HGS: variants seen among roughly 807,000 people sequenced by gnomAD.
HGS encodes human growth factor-regulated tyrosine kinase substrate.
A neutral mutation model predicts 109.7 loss-of-function variants in HGS; 63 were observed. The ratio of observed to expected loss-of-function variants is 0.57; its 90% CI spans 0.47 to 0.71. The LOEUF (loss-of-function observed/expected upper bound fraction) is 0.71. Ranked by LOEUF, HGS falls within the 30% of genes least tolerant of loss-of-function variation. HGS has a pLI of 0.00. For missense variants in HGS, 995 were observed against 1,068.3 expected (o/e 0.93, Z 0.96); for synonymous variants, 546 against 437.3 (o/e 1.25, Z -3.10).
At chr17:81,696,199 T>TGCCCA in intron 15 of HGS, 158 bp from the exon 16 acceptor site, 1 of 975,804 alleles carries the variant, frequency 1.0e-6, no homozygotes, top group Non-Finnish European at 1.4e-6. Flanking sequence ...TGCCCTGCCC[T>TGCCCA]GCCCAGGACC....
chr17:81,690,503 T>A, intron 6 of HGS, 171 bp from the exon 7 acceptor site: 1 of 639,210 alleles, frequency 1.6e-6, no homozygotes, highest in Non-Finnish European at 2.6e-6. Context: ...TCCTCAGGCC[T>A]CGGCAGCTTC....
At chr17:81,690,849 A>T in intron 7 of HGS, 107 bp downstream of exon 7, 1 of 981,716 alleles carries the variant, frequency 1.0e-6, no homozygotes, top group East Asian at 2.5e-5. Context: ...TGGGTGGTTC[A>T]GGAGGTGAGT....
intron 18 of HGS, 61 bp from the exon 19 acceptor site, chr17:81,700,406 G>A (rs1194468286): frequency 1.5e-6 from 2 of 1,377,492 alleles, no homozygotes; most frequent in Admixed American, 5.0e-5. Flanking sequence ...AGAGTAGGGT[G>A]TCCCTTCCTC....
At position 81,700,929 on chromosome 17, in the gene HGS, C is replaced by T. The variant is rs371960843; in HGVS notation, c.2136+115C>T. On this transcript the variant is annotated intron_variant, in intron 20 of 21. Transcript: ENST00000329138. Reference sequence around the variant, plus strand: ...GTGGGCTCCACCCCTTCTGCTCCTCCCCCTCCACTCTCTGGGTGCTCCCTG... The same window carrying T: ...GTGGGCTCCACCCCTTCTGCTCCTCTCCCTCCACTCTCTGGGTGCTCCCTG... 2,224 of 1,518,744 alleles carry T rather than the reference C, an allele frequency of 1.5e-3. 7 individuals carry two copies. The highest frequency in any genetic ancestry group is 2.1e-3 in the Admixed American group (121 of 58,770). The allele number at this position is 1,518,744 out of a possible 1,614,324, so 94.1% of individuals were successfully genotyped here.
Position 81,685,087 on chromosome 17 carries a change from C to T in HGS, c.38-518C>T, listed in dbSNP as rs534557348. The T allele has an allele frequency of 7.2e-5, 71 of 984,948 alleles. No homozygotes were observed. In the Middle Eastern group the frequency reaches 1.6e-3, roughly 22 times the overall value. 61.0% of individuals were successfully genotyped at this position (984,948 alleles called of 1,614,324 possible). The stretch of plus-strand genomic sequence containing the variant: ...GATGACAGGTATGCTGGCGAGTCCT[C>T]CTTGGAGCCCCGTTCTGCCCTTATT... On this transcript the variant is annotated intron_variant, in intron 1 of 21. Transcript: ENST00000329138.
intron 5 of HGS, among the ~76,000 whole-genome samples, chr17:81,689,441 G>A (rs1032120377): frequency 6.6e-6 from 1 of 152,326 alleles, no homozygotes; most frequent in East Asian, 1.9e-4. Context: ...TGGAGAACTA[G>A]GGGATTGTGT....
At position 81,693,550 on chromosome 17, in the gene HGS, A is replaced by C. The variant is rs542511483; in HGVS notation, c.710A>C (p.Tyr237Ser). The change falls in exon 9 of 22, where the codon TAC (tyrosine) becomes TCC (serine). Residue 237 changes from tyrosine (Y) to serine (S), a missense_variant. By Grantham distance (144) the Tyr-to-Ser change is moderately radical (BLOSUM62 -2). Coordinates refer to ENST00000329138, the MANE Select transcript of HGS (RefSeq NM_004712.5). ...ATSTTELPPE[Y>S]LTSPLSQQSQ... The stretch of plus-strand genomic sequence containing the variant: ...TCCACCACTGAGCTGCCCCCCGAGT[A>C]CCTGACCAGCCCCCTGTCTCAGCAG... 6.2e-6 allele frequency: 10 copies of C among 1,612,582 alleles called. No individual in the cohort carries two copies. In the South Asian group the frequency reaches 1.1e-4, roughly 18 times the overall value.
intron 15 of HGS, 152 bp from the exon 16 acceptor site, chr17:81,696,205 G>GCCC: frequency 2.7e-6 from 3 of 1,101,540 alleles, no homozygotes; most frequent in African/African-American, 3.2e-5. Context: ...GCCCTGCCCA[G>GCCC]GACCCTCTGC....
chr17:81,698,147 C>T (rs941486874), intron 18 of HGS: 9 of 152,122 alleles, frequency 5.9e-5, no homozygotes, highest in African/African-American at 1.9e-4. Flanking sequence ...AACATACAAA[C>T]ATTAGGTGGG....
rs2037042769 is a variant in HGS at position 81,690,254 on chromosome 17, A to C, written c.468+20A>C. On this transcript the variant is annotated intron_variant, in intron 6 of 21. Transcript: ENST00000329138. ...GAGAGAGTGAGTGTGGGCGGCCGCC[A>C]GGGGTTCTGGAGTCGGGCTGCTCAG... The C allele has an allele frequency of 2.5e-6, 4 of 1,613,050 alleles. No homozygotes were observed. The highest frequency in any genetic ancestry group is 1.3e-5 in the African/African-American group (1 of 74,854).
At chr17:81,696,282 T>C (rs2037145783) in intron 15 of HGS, 75 bp from the exon 16 acceptor site, 2 of 1,448,302 alleles carry the variant, frequency 1.4e-6, no homozygotes, top group Non-Finnish European at 1.8e-6. Flanking sequence ...GCGGCCCATC[T>C]GCGTGTCCGT....
Position 81,684,086 on chromosome 17 carries a change from C to G in HGS, c.20C>G (p.Thr7Ser), listed in dbSNP as rs753682847. The change falls in exon 1 of 22, where the codon ACC becomes AGC. Residue 7 changes from threonine to serine, a missense_variant. Coordinates refer to ENST00000329138, the MANE Select transcript of HGS (RefSeq NM_004712.5). Reference sequence around the variant, plus strand: ...GTCGCCATGGGGCGAGGCAGCGGCACCTTCGAGCGTCTCCTAGGTAACGCG... The same window carrying G: ...GTCGCCATGGGGCGAGGCAGCGGCAGCTTCGAGCGTCTCCTAGGTAACGCG... MGRGSG[T>S]FERLLDKATS... 4.2e-5 allele frequency: 67 copies of G among 1,593,486 alleles called. 1 individual carries two copies. Among genetic ancestry groups the G allele is most frequent in the Admixed American group, 1.7e-5 (1 of 57,380 alleles).
intron 14 of HGS, 61 bp downstream of exon 14, chr17:81,695,284 G>C: frequency 6.5e-7 from 1 of 1,547,090 alleles, no homozygotes; most frequent in Non-Finnish European, 8.9e-7. Context: ...CACAGCGCCA[G>C]GCACATGGCA....
chr17:81,697,271 C>T (rs1336464429), intron 18 of HGS: 21 of 366,544 alleles, frequency 5.7e-5, no homozygotes, highest in Non-Finnish European at 7.0e-5. Flanking sequence ...TGCCGATCCT[C>T]GTCTGTAGCA....
rs1425833763 is a variant in HGS at position 81,701,750 on chromosome 17, C to T, written c.*132C>T. Reference sequence around the variant, plus strand: ...CCCTTCTCTGCGAGTGAGGGGGGGCCTTCACCCCAAGCCCACCTCCCTTGT... The same window carrying T: ...CCCTTCTCTGCGAGTGAGGGGGGGCTTTCACCCCAAGCCCACCTCCCTTGT... On this transcript the variant is annotated 3_prime_UTR_variant, in exon 22 of 22. Transcript: ENST00000329138. 44 of 1,344,402 alleles carry T rather than the reference C, an allele frequency of 3.3e-5. No homozygotes were observed. The highest frequency in any genetic ancestry group is 1.9e-4 in the Middle Eastern group (1 of 5,360). The allele number at this position is 1,344,402 out of a possible 1,614,324, so 83.3% of individuals were successfully genotyped here. A position where few individuals can be genotyped will look rare whatever the true frequency, so the allele number is the denominator to read the frequency against.
intron 1 of HGS, chr17:81,685,134 C>A: frequency 1.1e-6 from 1 of 917,496 alleles, no homozygotes; most frequent in Non-Finnish European, 1.3e-6. Flanking sequence ...TGGCTTGGAG[C>A]AAGGGGCCTG....
chr17:81,700,128 A>T (rs1242257318), intron 18 of HGS, among the ~76,000 whole-genome samples: 1 of 151,892 alleles, frequency 6.6e-6, no homozygotes, highest in Non-Finnish European at 1.5e-5. Context: ...GCACTTTGGG[A>T]GGCCGAGGCG....
intron 18 of HGS, among the ~76,000 whole-genome samples, chr17:81,699,332 A>G (rs1393562724): frequency 1.3e-5 from 2 of 152,208 alleles, no homozygotes; most frequent in Admixed American, 1.3e-4. Flanking sequence ...TCACTATCCC[A>G]TCCCATTGGT....
rs750230987 is a variant in HGS at position 81,701,656 on chromosome 17, A to G, written c.*38A>G. Reference sequence around the variant, plus strand: ...TCACGTCCGGAGTAACACTACATACAGTTCACCTGAAACGCCTCGTCTCTA... The same window carrying G: ...TCACGTCCGGAGTAACACTACATACGGTTCACCTGAAACGCCTCGTCTCTA... On this transcript the variant is annotated 3_prime_UTR_variant, in exon 22 of 22. Transcript: ENST00000329138. 1.3e-5 allele frequency: 20 copies of G among 1,518,882 alleles called. No individual in the cohort carries two copies. The highest frequency in any genetic ancestry group is 6.9e-5 in the African/African-American group (5 of 72,698). 94.1% of individuals were successfully genotyped at this position (1,518,882 alleles called of 1,614,324 possible).
Sources: gnomAD v4.1 joint callset for allele counts (sites outside exome capture counted in the v4.1 genomes callset) on GRCh38, gnomAD v4.1.1 for gene constraint, MANE v1.5 for transcripts, NCBI Gene and HGNC (gene_info 2026-07-23, HGNC 2026-07-21) for gene names.